Variants in GPT2 observed in about 807,000 individuals in gnomAD.
The protein encoded by GPT2 is alanine aminotransferase 2.
GPT2 carries 30 observed loss-of-function variants against 56.9 expected under a neutral mutation model. The observed-to-expected ratio is 0.53, with a 90% CI of 0.39 to 0.72. The LOEUF (loss-of-function observed/expected upper bound fraction) is 0.72, where lower values mean the gene tolerates loss of function less well. GPT2 is among the 30% of genes least tolerant of loss of function. The pLI is 0.00. For synonymous variants in GPT2, 271 were observed against 283.1 expected (o/e 0.96, Z 0.43); for missense variants, 542 against 703.4 (o/e 0.77, Z 2.60).
chr16:46,924,677 A>G (rs1359268921), intron 10 of GPT2, 133 bp downstream of exon 10: 5 of 904,700 alleles, frequency 5.5e-6, no homozygotes, highest in Middle Eastern at 3.4e-4. Flanking sequence ...TCTCGGCCAG[A>G]GGGTGTTGAC....
In GPT2 at chr16:46,918,689, G is replaced by C. The variant is rs760753862; in HGVS notation, c.969G>C (p.Met323Ile). Reference protein sequence around the residue: ...FHSFKKVLYEMGPEYSSNVEL... With the variant: ...FHSFKKVLYEIGPEYSSNVEL... ...CCTTCAAGAAGGTGCTGTACGAGAT[G>C]GGGCCCGAGTACTCCAGCAACGTGG... The change falls in exon 8 of 12, where the codon ATG becomes ATC. Residue 323 changes from methionine to isoleucine, a missense_variant. Transcript: ENST00000340124. 8.1e-6 allele frequency: 13 copies of C among 1,614,078 alleles called. No individual in the cohort carries two copies. The highest frequency in any genetic ancestry group is 1.1e-5 in the Non-Finnish European group (13 of 1,180,034).
intron 2 of GPT2, among the ~76,000 whole-genome samples, chr16:46,893,052 T>C (rs1329419614): frequency 6.6e-6 from 1 of 152,230 alleles, no homozygotes; most frequent in Non-Finnish European, 1.5e-5. Flanking sequence ...CTCTATTGTT[T>C]AGGGAACAAT....
chr16:46,929,064 C>T lies in GPT2; in HGVS notation c.*67C>T. 1 of 1,273,960 alleles carries T rather than the reference C, an allele frequency of 7.8e-7. No individual in the cohort carries two copies. 78.9% of individuals were successfully genotyped at this position (1,273,960 alleles called of 1,614,324 possible). A position where few individuals can be genotyped will look rare whatever the true frequency, so the allele number is the denominator to read the frequency against. ...CTCCCAATGCCCGTCAGGCTGAACT[C>T]GCCTCCCCCGTGACTCTGCCTCGGG... is the stretch of plus-strand genomic sequence containing the variant. On this transcript the variant is annotated 3_prime_UTR_variant, in exon 12 of 12. Transcript: ENST00000340124.
chr16:46,926,491 G>T (rs1193533423), intron 10 of GPT2, among the ~76,000 whole-genome samples: 2 of 152,134 alleles, frequency 1.3e-5, no homozygotes, highest in African/African-American at 4.8e-5. Flanking sequence ...CTGAGAATCT[G>T]TAGTTAAGAG....
At chr16:46,891,243 T>A (rs548396461) in intron 2 of GPT2, among the ~76,000 whole-genome samples, 1 of 151,996 alleles carries the variant, frequency 6.6e-6, no homozygotes, top group East Asian at 2.0e-4. Context: ...TCATATTTTT[T>A]TAAATTACTA....
intron 5 of GPT2, among the ~76,000 whole-genome samples, chr16:46,907,420 G>A (rs190076181): frequency 1.3e-5 from 2 of 152,364 alleles, no homozygotes; most frequent in East Asian, 3.9e-4. Flanking sequence ...GAGAAGGACA[G>A]GGTGTTATGG....
intron 2 of GPT2, chr16:46,885,605 G>T: frequency 1.1e-6 from 1 of 942,972 alleles, no homozygotes; most frequent in Non-Finnish European, 1.3e-6. Flanking sequence ...TGGGCCTGTC[G>T]GGCTTTGGTA....
intron 11 of GPT2, among the ~76,000 whole-genome samples, chr16:46,927,752 G>A (rs940124742): frequency 1.3e-5 from 2 of 152,070 alleles, no homozygotes; most frequent in African/African-American, 2.4e-5. Flanking sequence ...AACCTTGTCC[G>A]GTTGGCCTTC....
At chr16:46,926,839 T>G (rs1961425015) in intron 10 of GPT2, 86 bp from the exon 11 acceptor site, 3 of 849,388 alleles carry the variant, frequency 3.5e-6, no homozygotes, top group Non-Finnish European at 5.3e-6. Flanking sequence ...GAGAGAGACC[T>G]GCCATTTAGA....
intron 3 of GPT2, among the ~76,000 whole-genome samples, chr16:46,898,943 C>CAA (rs1960748717): frequency 6.1e-5 from 2 of 32,794 alleles, no homozygotes; most frequent in East Asian, 7.6e-4. Flanking sequence ...TATATATACA[C>CAA]ACACATATAT....
intron 5 of GPT2, 124 bp downstream of exon 5, chr16:46,907,099 G>GT: frequency 7.8e-7 from 1 of 1,286,500 alleles, no homozygotes; most frequent in East Asian, 2.4e-5. Flanking sequence ...CCACCCTCTG[G>GT]TCCCCCAGCC....
intron 4 of GPT2, among the ~76,000 whole-genome samples, chr16:46,906,599 A>AGTGGATGAGTGGATGGATGTGTGG (rs1443821866): frequency 1.3e-5 from 2 of 151,860 alleles, no homozygotes; most frequent in Non-Finnish European, 2.9e-5. Flanking sequence ...TGGGTGAGTG[A>AGTGGATGAGTGGATGGATGTGTGG]GTGGATGAGT....
At chr16:46,887,190 C>T (rs997477507) in intron 2 of GPT2, among the ~76,000 whole-genome samples, 17 of 152,114 alleles carry the variant, frequency 1.1e-4, no homozygotes, top group Non-Finnish European at 2.2e-4. Context: ...GGTTAGAGGC[C>T]GGCCACGGTG....
chr16:46,896,687 C>T (rs1369150329), intron 2 of GPT2, among the ~76,000 whole-genome samples: 6 of 152,146 alleles, frequency 3.9e-5, no homozygotes, highest in Non-Finnish European at 5.9e-5. Flanking sequence ...CTGACCCCTG[C>T]CTCCCTCCCA....
rs868538840 is a variant in GPT2 at position 46,926,926 on chromosome 16, C to T, written c.1370C>T (p.Ala457Val). ...IPAKAVEAAQAHQMAPDMFYC... is the reference protein window; with the variant it reads ...IPAKAVEAAQVHQMAPDMFYC... ...CATGAGCTCTGTCTGCTCCCATAGG[C>T]CCATCAAATGGCTCCAGACATGTTC... Residue 457 changes from alanine to valine, a missense_variant and splice_region_variant, in exon 11 of 12, where the codon GCC becomes GTC. Coordinates refer to ENST00000340124, the MANE Select transcript of GPT2 (RefSeq NM_133443.4). The T allele has an allele frequency of 6.4e-7, 1 of 1,570,044 alleles. No homozygotes were observed. The highest frequency in any genetic ancestry group is 8.6e-7 in the Non-Finnish European group (1 of 1,159,890).
intron 11 of GPT2, 50 bp downstream of exon 11, chr16:46,927,087 A>C: frequency 8.6e-7 from 1 of 1,169,310 alleles, no homozygotes. Context: ...TGTCCAGGGA[A>C]ATGTGGACTT....
At chr16:46,887,392 C>T (rs1340473799) in intron 2 of GPT2, among the ~76,000 whole-genome samples, 4 of 152,132 alleles carry the variant, frequency 2.6e-5, no homozygotes, top group Non-Finnish European at 4.4e-5. Context: ...CGCTTGAACC[C>T]GGAAGGTGGA....
intron 3 of GPT2, among the ~76,000 whole-genome samples, chr16:46,897,939 C>T (rs181142606): frequency 3.9e-5 from 6 of 152,300 alleles, no homozygotes; most frequent in African/African-American, 1.4e-4. Flanking sequence ...GGTGTAGGAG[C>T]CTCCCAGGGA....
intron 10 of GPT2, among the ~76,000 whole-genome samples, chr16:46,926,467 C>A (rs1281172324): frequency 1.3e-5 from 2 of 152,002 alleles, no homozygotes; most frequent in African/African-American, 2.4e-5. Context: ...AAAAAGAATC[C>A]CTGATGATAG....
Sources: gnomAD v4.1 joint callset for allele counts (sites outside exome capture counted in the v4.1 genomes callset) on GRCh38, gnomAD v4.1.1 for gene constraint, MANE v1.5 for transcripts, NCBI Gene and HGNC (gene_info 2026-07-23, HGNC 2026-07-21) for gene names.